KCNIP4: variants seen among roughly 807,000 people sequenced by gnomAD.
The protein encoded by KCNIP4 is Kv channel-interacting protein 4.
KCNIP4 carries 12 observed loss-of-function variants against 34.0 expected under a neutral mutation model. The observed-to-expected ratio is 0.35, with a 90% CI of 0.23 to 0.57. The LOEUF is 0.57. KCNIP4 is among the 20% of genes least tolerant of loss of function. The pLI is 0.83. For missense variants in KCNIP4, 238 were observed against 311.7 expected, an observed-to-expected ratio of 0.76 and a Z score of 1.78; for synonymous variants, 124 against 102.2, an observed-to-expected ratio of 1.21 and a Z score of -1.29.
At chr4:21,341,571 T>C (rs1228841001) in intron 1 of KCNIP4, among the ~76,000 whole-genome samples, 2 of 75,014 alleles carry the variant, frequency 2.7e-5, no homozygotes, top group Non-Finnish European at 4.9e-5. Context: ...CAATTCTTAT[T>C]ACCTTCCTAA....
At chr4:21,635,935 T>C (rs997500481) in intron 1 of KCNIP4, among the ~76,000 whole-genome samples, 4 of 151,846 alleles carry the variant, frequency 2.6e-5, no homozygotes, top group African/African-American at 9.7e-5. Flanking sequence ...GTGGCACACA[T>C]ACACCATGGA....
chr4:21,368,769 G>A (rs1274428889), intron 1 of KCNIP4, among the ~76,000 whole-genome samples: 2 of 147,540 alleles, frequency 1.4e-5, no homozygotes, highest in Admixed American at 1.3e-4. Context: ...TCCTTGAGGA[G>A]TTTTAAGTTG....
In KCNIP4 at chr4:21,604,061, C is replaced by T. The variant is rs1743438440; in HGVS notation, c.61+344510G>A. 2.0e-5 allele frequency among the ~76,000 whole-genome samples: 3 copies of T among 151,930 alleles called. No homozygotes were observed. The South Asian group carries it at 6.2e-4, about 31-fold the overall frequency. ...CGTCGATTATAAATTTTAGGTTTTA[C>T]TTTTATAAAAATTATTTAGTGAATA... is the stretch of plus-strand genomic sequence containing the variant. On this transcript the variant is annotated intron_variant, in intron 1 of 8. Transcript: ENST00000382152.
At chr4:21,534,964 G>A (rs568592104) in intron 1 of KCNIP4, among the ~76,000 whole-genome samples, 20 of 152,014 alleles carry the variant, frequency 1.3e-4, no homozygotes, top group East Asian at 9.7e-4. Flanking sequence ...ATGCTGTATC[G>A]TTCCTCTCCA....
At chr4:21,925,976 C>T (rs945138933) in intron 1 of KCNIP4, among the ~76,000 whole-genome samples, 27 of 152,242 alleles carry the variant, frequency 1.8e-4, no homozygotes, top group African/African-American at 5.3e-4. Flanking sequence ...ATGTCTTAAT[C>T]TTCAGAAAGG....
At chr4:20,952,096 G>T (rs1434948) in intron 1 of KCNIP4, among the ~76,000 whole-genome samples, 98,832 of 152,002 alleles carry the variant, frequency 0.65, 32,594 homozygotes, top group East Asian at 0.81. Flanking sequence ...GAAAAATCCA[G>T]CTGGATTACA....
At chr4:21,451,586 C>T (rs999449208) in intron 1 of KCNIP4, among the ~76,000 whole-genome samples, 1 of 152,244 alleles carries the variant, frequency 6.6e-6, no homozygotes, top group East Asian at 1.9e-4. Flanking sequence ...TTGTAACATG[C>T]TGTATAGAAG....
chr4:21,435,508 A>C (rs1726870059), intron 1 of KCNIP4, among the ~76,000 whole-genome samples: 1 of 152,190 alleles, frequency 6.6e-6, no homozygotes, highest in Non-Finnish European at 1.5e-5. Flanking sequence ...AATCATGGGA[A>C]GCCACTAATT....
At chr4:21,438,972 C>T (rs1270991288) in intron 1 of KCNIP4, among the ~76,000 whole-genome samples, 2 of 152,036 alleles carry the variant, frequency 1.3e-5, no homozygotes, top group Non-Finnish European at 1.5e-5. Flanking sequence ...ACCATCCTGG[C>T]TAACATGGTG....
intron 2 of KCNIP4, among the ~76,000 whole-genome samples, chr4:20,874,564 A>C (rs1723799783): frequency 6.6e-6 from 1 of 152,120 alleles, no homozygotes; most frequent in South Asian, 2.1e-4. Flanking sequence ...TCCTATACTA[A>C]AACCTGTGAA....
intron 1 of KCNIP4, among the ~76,000 whole-genome samples, chr4:21,484,430 T>TTAAAA (rs1731732155): frequency 6.7e-6 from 1 of 149,382 alleles, no homozygotes; most frequent in South Asian, 2.1e-4. Flanking sequence ...TCCGTCACAA[T>TTAAAA]AAAAAAAAAA....
chr4:20,834,667 C>T (rs999185457), intron 3 of KCNIP4, among the ~76,000 whole-genome samples: 2 of 142,622 alleles, frequency 1.4e-5, no homozygotes, highest in Admixed American at 7.1e-5. Flanking sequence ...TGGTTGTTAG[C>T]ACCGTGATGG....
chr4:21,239,609 C>A (rs1034595867), intron 1 of KCNIP4, among the ~76,000 whole-genome samples: 5 of 152,118 alleles, frequency 3.3e-5, no homozygotes, highest in South Asian at 2.1e-4. Flanking sequence ...ATGCAGCCAA[C>A]AGACACATGA....
At chr4:21,021,859 C>CGTATCGTATAGTATAGTATAGTATA (rs1553928077) in intron 1 of KCNIP4, among the ~76,000 whole-genome samples, 2 of 145,844 alleles carry the variant, frequency 1.4e-5, no homozygotes, top group South Asian at 2.2e-4. Context: ...AGTATAGTAT[C>CGTATCGTATAGTATAGTATAGTATA]GTATAGTATA....
rs116081202 is a variant in KCNIP4 at position 21,667,552 on chromosome 4, G to A, written c.61+281019C>T. 4.2e-3 allele frequency among the ~76,000 whole-genome samples: 636 copies of A among 152,310 alleles called. 2 individuals carry two copies. The highest frequency in any genetic ancestry group is 0.014 in the African/African-American group (594 of 41,564). ...AGATTCCACTCAAACAGTTTGTCCAGACATGATATTTTTGTAATAAAATTT... is the reference window on the plus strand; with the variant it reads ...AGATTCCACTCAAACAGTTTGTCCAAACATGATATTTTTGTAATAAAATTT... On this transcript the variant is annotated intron_variant, in intron 1 of 8. Coordinates refer to ENST00000382152, the MANE Select transcript of KCNIP4 (RefSeq NM_025221.6).
At chr4:21,923,605 C>T (rs1729065223) in intron 1 of KCNIP4, among the ~76,000 whole-genome samples, 1 of 151,762 alleles carries the variant, frequency 6.6e-6, no homozygotes, top group Non-Finnish European at 1.5e-5. Flanking sequence ...AAATAAAATA[C>T]TTTTCCTTCT....
chr4:21,820,289 A>G (rs1164384806), intron 1 of KCNIP4, among the ~76,000 whole-genome samples: 3 of 6,872 alleles, frequency 4.4e-4, no homozygotes, highest in African/African-American at 6.4e-4. Context: ...GTGTGTGTAT[A>G]TATATATATA....
intron 1 of KCNIP4, among the ~76,000 whole-genome samples, chr4:21,761,983 CATATT>C (rs1213244837): frequency 6.6e-6 from 1 of 151,964 alleles, no homozygotes; most frequent in African/African-American, 2.4e-5. Context: ...TGTGAAAAAT[CATATT>C]ATAAATCACT....
At chr4:20,951,347 T>C (rs1486995620) in intron 1 of KCNIP4, among the ~76,000 whole-genome samples, 1 of 152,220 alleles carries the variant, frequency 6.6e-6, no homozygotes, top group African/African-American at 2.4e-5. Context: ...TAACACACTG[T>C]TAATCCAGGA....
Sources: gnomAD v4.1 joint callset for allele counts (sites outside exome capture counted in the v4.1 genomes callset) on GRCh38, gnomAD v4.1.1 for gene constraint, MANE v1.5 for transcripts, NCBI Gene and HGNC (gene_info 2026-07-23, HGNC 2026-07-21) for gene names.